The following UBR4 variants were observed in gnomAD, a reference collection of about 807,000 sequenced individuals.
UBR4 encodes ubiquitin protein ligase E3 component n-recognin 4.
Under a neutral mutation model 575.6 loss-of-function variants are expected in UBR4, and 124 were observed. The ratio of observed to expected loss-of-function variants is 0.22; its 90% confidence interval spans 0.19 to 0.25. The LOEUF is 0.25. Among genes scored for constraint, UBR4 ranks in the 10% least tolerant of loss-of-function variants. UBR4 has a pLI of 1.00. For synonymous variants in UBR4, 2,455 were observed against 2,473.7 expected (o/e 0.99, Z 0.22); for missense variants, 4,818 against 6,478.8 (o/e 0.74, Z 8.80).
In UBR4 at chr1:19,168,183, C is replaced by A. The variant is rs1179941999; in HGVS notation, c.3743G>T (p.Arg1248Leu). ...GATGGTGTCATTGGCAAAGGCATTG[C>A]GCTGAAAGGAAGCAAAGCAGATGTA... ...TNEFPNIGSW[R>L]NAFANDTIPS... Residue 1248 changes from arginine to leucine, a missense_variant and splice_region_variant, in exon 28 of 106, where the codon CGC becomes CTC. Arg to Leu is a moderately radical substitution (Grantham distance 102, BLOSUM62 -2). Around this residue, in one of 29 missense-constraint regions of UBR4, gnomAD observed 1,172 missense variants for 1,259.7 expected, o/e 0.93. Coordinates refer to ENST00000375254, the MANE Select transcript of UBR4 (RefSeq NM_020765.3). The A allele has an allele frequency of 2.5e-6, 4 of 1,570,484 alleles. No individual in the cohort carries two copies. The highest frequency in any genetic ancestry group is 8.7e-7 in the Non-Finnish European group (1 of 1,150,110).
intron 8 of UBR4, among the ~76,000 whole-genome samples, chr1:19,194,864 T>C (rs112280605): frequency 0.022 from 3,396 of 152,026 alleles, 139 homozygotes; most frequent in African/African-American, 0.078. Flanking sequence ...GCAGGCACAG[T>C]CGACTCCAGA....
intron 26 of UBR4, among the ~76,000 whole-genome samples, chr1:19,169,816 T>C (rs1437513658): frequency 6.6e-6 from 1 of 152,132 alleles, no homozygotes; most frequent in African/African-American, 2.4e-5. Flanking sequence ...AAAGTGAGGG[T>C]GAGTCATTGC....
chr1:19,076,259 C>G (rs1301604074), intron 105 of UBR4, among the ~76,000 whole-genome samples: 1 of 152,244 alleles, frequency 6.6e-6, no homozygotes, highest in African/African-American at 2.4e-5. Flanking sequence ...CCTGCTGGGT[C>G]GCCCATGCCT....
intron 60 of UBR4, among the ~76,000 whole-genome samples, chr1:19,136,882 C>T (rs1211537024): frequency 1.3e-5 from 2 of 152,052 alleles, no homozygotes; most frequent in South Asian, 2.1e-4. Flanking sequence ...AGATGTTAAG[C>T]GGCTTACGTT....
Position 19,117,530 on chromosome 1 carries a change from T to A in UBR4, c.10630-116A>T, listed in dbSNP as rs1285524569. ...AAGATGAAGTTTCTATTTAATTTTTTAAAAAATATTTTGTAGAGATGGGGT... is the reference window on the plus strand; with the variant it reads ...AAGATGAAGTTTCTATTTAATTTTTAAAAAAATATTTTGTAGAGATGGGGT... On this transcript the variant is annotated intron_variant, in intron 72 of 105. Transcript: ENST00000375254. The surrounding 1 kb of genome is among the most constrained non-coding windows in gnomAD (Gnocchi z 4.0). 2.3e-5 allele frequency: 28 copies of A among 1,232,564 alleles called. No individual in the cohort carries two copies. Among genetic ancestry groups the A allele is most frequent in the Non-Finnish European group, 2.9e-5 (26 of 899,598 alleles). The allele number at this position is 1,232,564 out of a possible 1,614,324, so 76.4% of individuals were successfully genotyped here.
chr1:19,161,215 C>A, intron 37 of UBR4, 68 bp from the exon 38 acceptor site: 2 of 1,455,724 alleles, frequency 1.4e-6, no homozygotes, highest in South Asian at 2.4e-5. Context: ...TGCCTGAGAT[C>A]TCCGAGGAAA....
rs538767356 is a variant in UBR4 at position 19,189,203 on chromosome 1, G to A, written c.1395-1663C>T. 2.6e-3 allele frequency among the ~76,000 whole-genome samples: 399 copies of A among 151,934 alleles called. 2 individuals carry two copies. The highest frequency in any genetic ancestry group is 9.0e-3 in the African/African-American group (370 of 41,190). ...TGCCCATTGTCAAAGAGAGCATGGGGAAATGGGCATATAAGCACACAGCTG... is the reference window on the plus strand; with the variant it reads ...TGCCCATTGTCAAAGAGAGCATGGGAAAATGGGCATATAAGCACACAGCTG... On this transcript the variant is annotated intron_variant, in intron 11 of 105. Transcript: ENST00000375254.
rs1310077063 is a variant in UBR4 at position 19,157,371 on chromosome 1, T to C, written c.5760+444A>G. On this transcript the variant is annotated intron_variant, in intron 40 of 105. Transcript: ENST00000375254. This position sits in a 1 kb window ranked among gnomAD's most constrained non-coding sequence, Gnocchi z 4.4. ...TAGCACTCTTCCAACTTCTACTAGC[T>C]CTATAACACAATACAAACTTACTTA... 6.6e-6 allele frequency among the ~76,000 whole-genome samples: 1 copy of C among 152,174 alleles called. No homozygotes were observed. Among genetic ancestry groups the C allele is most frequent in the South Asian group, 2.1e-4 (1 of 4,826 alleles).
At chr1:19,083,489 G>A (rs1466995139) in intron 102 of UBR4, among the ~76,000 whole-genome samples, 1 of 152,196 alleles carries the variant, frequency 6.6e-6, no homozygotes, top group Admixed American at 6.5e-5. Flanking sequence ...GGGCCTACAA[G>A]CATGAAACAG....
chr1:19,087,979 C>G (rs1301494847), intron 98 of UBR4, 50 bp from the exon 99 acceptor site: 1 of 1,447,034 alleles, frequency 6.9e-7, no homozygotes, highest in Admixed American at 1.9e-5. Flanking sequence ...CACACCCTCT[C>G]CCACCCTAGC....
At chr1:19,097,693 T>C (rs1004078598) in intron 90 of UBR4, among the ~76,000 whole-genome samples, 1 of 152,218 alleles carries the variant, frequency 6.6e-6, no homozygotes, top group African/African-American at 2.4e-5. Flanking sequence ...AGCCTGGACC[T>C]TCCTCAGGAG....
chr1:19,173,892 T>C (rs1039495878), intron 22 of UBR4, among the ~76,000 whole-genome samples: 1 of 152,254 alleles, frequency 6.6e-6, no homozygotes, highest in Non-Finnish European at 1.5e-5. Context: ...GGCTCCCCAA[T>C]AATTTACCAA....
Position 19,115,528 on chromosome 1 carries a change from C to A in UBR4, c.10933G>T (p.Ala3645Ser), listed in dbSNP as rs1448424282. ...GCCTGGTAGTTTTCATAGAAGTCTGCAAACTCAATCATCAGATTGGAGGCC... is the reference window on the plus strand; with the variant it reads ...GCCTGGTAGTTTTCATAGAAGTCTGAAAACTCAATCATCAGATTGGAGGCC... ...IVASNLMIEF[A>S]DFYENYQAST... The change falls in exon 74 of 106, where the codon GCA (alanine) becomes TCA (serine). Residue 3645 changes from alanine to serine, a missense_variant. Physicochemically the swap from Ala to Ser is moderately conservative, Grantham distance 99. Around this residue, in one of 29 missense-constraint regions of UBR4, gnomAD observed 550 missense variants for 791.5 expected, o/e 0.69. Coordinates refer to ENST00000375254, the MANE Select transcript of UBR4 (RefSeq NM_020765.3). 1 of 1,614,054 alleles carries A rather than the reference C, an allele frequency of 6.2e-7. No homozygotes were observed. The highest frequency in any genetic ancestry group is 1.3e-5 in the African/African-American group (1 of 74,910).
chr1:19,173,447 A>T lies in UBR4; in HGVS notation c.3157T>A (p.Trp1053Arg), dbSNP rs760233955. The change falls in exon 23 of 106, where the codon TGG (tryptophan) becomes AGG (arginine). Residue 1053 changes from tryptophan (W) to arginine (R), a missense_variant. Transcript: ENST00000375254. ...AGCAAGCTCTGTGTTACCTTTATCCAGTTGACATAGGAGCTGATCCGGAGC... is the reference window on the plus strand; with the variant it reads ...AGCAAGCTCTGTGTTACCTTTATCCTGTTGACATAGGAGCTGATCCGGAGC... ...SRLRISSYVN[W>R]IKDHLIKQGM... 5.9e-5 allele frequency: 96 copies of T among 1,614,156 alleles called. 2 individuals are homozygous for T. In the Middle Eastern group the frequency reaches 2.1e-3, roughly 36 times the overall value.
At chr1:19,116,677 C>G (rs1238680839) in intron 73 of UBR4, among the ~76,000 whole-genome samples, 1 of 152,204 alleles carries the variant, frequency 6.6e-6, no homozygotes, top group African/African-American at 2.4e-5. Context: ...CATGTGAGTG[C>G]CTCTCTTGGC....
intron 94 of UBR4, 142 bp from the exon 95 acceptor site, chr1:19,094,281 G>A: frequency 1.7e-6 from 1 of 605,132 alleles, no homozygotes; most frequent in Non-Finnish European, 2.8e-6. Flanking sequence ...ACTTCTTGGG[G>A]AATAACAAAC....
chr1:19,124,993 C>T (rs1233622209), intron 64 of UBR4, among the ~76,000 whole-genome samples: 1 of 151,166 alleles, frequency 6.6e-6, no homozygotes, highest in Non-Finnish European at 1.5e-5. Context: ...AAGATGAGTG[C>T]TAGAAAGGCC....
chr1:19,143,157 G>T (rs2084185923), intron 55 of UBR4, among the ~76,000 whole-genome samples: 1 of 145,404 alleles, frequency 6.9e-6, no homozygotes, highest in Admixed American at 7.0e-5. Context: ...AGAAGGAAGG[G>T]AAAGGAAAGG....
chr1:19,148,716 G>A, intron 49 of UBR4, 90 bp from the exon 50 acceptor site: 1 of 1,405,884 alleles, frequency 7.1e-7, no homozygotes, highest in Non-Finnish European at 1.0e-6. Context: ...GAGGACCTTG[G>A]GGACAGCTAA....
Sources: allele counts gnomAD v4.1 joint callset (sites outside exome capture counted in the v4.1 genomes callset), GRCh38; gene constraint gnomAD v4.1.1; regional missense constraint gnomAD v4.1.1; non-coding constraint Gnocchi (gnomAD v3.1); transcripts MANE v1.5; gene names NCBI Gene and HGNC (gene_info 2026-07-23, HGNC 2026-07-21).